The following MTPAP variants were observed in gnomAD, a reference collection of about 807,000 sequenced individuals.
The protein encoded by MTPAP is mitochondrial poly(A) polymerase.
A neutral mutation model predicts 48.7 loss-of-function variants in MTPAP; 23 were observed. The ratio of observed to expected loss-of-function variants is 0.47; its 90% CI spans 0.34 to 0.67. The LOEUF is 0.67. MTPAP is among the 30% of genes least tolerant of loss of function. MTPAP has a pLI of 0.01. For missense variants in MTPAP, 614 were observed against 694.3 expected (o/e 0.88, Z 1.30); for synonymous variants, 257 against 254.1 (o/e 1.01, Z -0.11).
intron 6 of MTPAP, among the ~76,000 whole-genome samples, chr10:30,319,187 G>C (rs1403225933): frequency 1.3e-5 from 2 of 152,134 alleles, no homozygotes; most frequent in African/African-American, 4.8e-5. Flanking sequence ...TGGTATACAG[G>C]AATCAACGTA....
chr10:30,344,395 C>T (rs1378230092), intron 1 of MTPAP, among the ~76,000 whole-genome samples: 1 of 152,200 alleles, frequency 6.6e-6, no homozygotes, highest in African/African-American at 2.4e-5. Flanking sequence ...GAATCTCTTC[C>T]ACCTCTGTAT....
chr10:30,349,064 C>G, intron 1 of MTPAP, 55 bp downstream of exon 1: 2 of 1,612,822 alleles, frequency 1.2e-6, no homozygotes, highest in South Asian at 1.1e-5. Context: ...TCCCCGTGAT[C>G]CCAGACTCCT....
Position 30,326,666 on chromosome 10 carries a change from C to A in MTPAP, c.781-31G>T, listed in dbSNP as rs766642145. 6 of 1,567,410 alleles carry A rather than the reference C, an allele frequency of 3.8e-6. No individual in the cohort carries two copies. The Admixed American group carries it at 8.4e-5, about 22-fold the overall frequency. On this transcript the variant is annotated intron_variant, in intron 4 of 8. Transcript: ENST00000263063. ...AAATAAACACATTTCTAAATAGGAG[C>A]TTTTGGTAAAAAAAACAATTTTTTA...
chr10:30,316,238 G>GT, intron 6 of MTPAP, 28 bp from the exon 7 acceptor site: 2 of 1,544,678 alleles, frequency 1.3e-6, no homozygotes, highest in Non-Finnish European at 1.8e-6. Context: ...AATATTTCAC[G>GT]TGTTTTTTTT....
At chr10:30,337,730 G>A (rs1376675584) in intron 3 of MTPAP, among the ~76,000 whole-genome samples, 1 of 152,118 alleles carries the variant, frequency 6.6e-6, no homozygotes, top group Non-Finnish European at 1.5e-5. Flanking sequence ...TCCAGAAGAG[G>A]TTAAAACAAC....
intron 6 of MTPAP, among the ~76,000 whole-genome samples, chr10:30,321,820 C>T (rs1840728957): frequency 6.6e-6 from 1 of 152,182 alleles, no homozygotes; most frequent in South Asian, 2.1e-4. Flanking sequence ...GATTTTATAA[C>T]ATAACTTCTC....
At position 30,327,119 on chromosome 10, in the gene MTPAP, A is replaced by T. The variant is rs570246069; in HGVS notation, c.781-484T>A. On this transcript the variant is annotated intron_variant, in intron 4 of 8. Coordinates refer to ENST00000263063, the MANE Select transcript of MTPAP (RefSeq NM_018109.4). Reference sequence around the variant, plus strand: ...TAGGAATTTAATATTTAAGGCCACAAATTACTAGGGGAAAATTCCTATTCA... The same window carrying T: ...TAGGAATTTAATATTTAAGGCCACATATTACTAGGGGAAAATTCCTATTCA... 9.2e-4 allele frequency among the ~76,000 whole-genome samples: 140 copies of T among 152,274 alleles called. 1 individual carries two copies. The highest frequency in any genetic ancestry group is 3.2e-3 in the African/African-American group (133 of 41,548).
At chr10:30,336,331 A>G (rs1353962877) in intron 4 of MTPAP, among the ~76,000 whole-genome samples, 1 of 152,190 alleles carries the variant, frequency 6.6e-6, no homozygotes, top group African/African-American at 2.4e-5. Flanking sequence ...ATATAATAAT[A>G]AAACAATCTA....
intron 6 of MTPAP, among the ~76,000 whole-genome samples, chr10:30,320,722 GGAC>G (rs1388230088): frequency 6.6e-6 from 1 of 152,122 alleles, no homozygotes; most frequent in East Asian, 1.9e-4. Flanking sequence ...CCCAGGCAGA[GGAC>G]AACAGGGCCT....
intron 1 of MTPAP, among the ~76,000 whole-genome samples, chr10:30,347,617 C>T (rs1242299382): frequency 1.3e-5 from 2 of 152,190 alleles, no homozygotes; most frequent in East Asian, 1.9e-4. Flanking sequence ...ACTGGCTGGG[C>T]GCGGTGGCTC....
intron 1 of MTPAP, among the ~76,000 whole-genome samples, chr10:30,342,484 C>T (rs949279275): frequency 2.0e-5 from 3 of 151,490 alleles, no homozygotes; most frequent in Middle Eastern, 3.4e-3. Flanking sequence ...ATTAAAACTG[C>T]CCACTTTCTC....
At chr10:30,322,188 C>T (rs907881824) in intron 6 of MTPAP, among the ~76,000 whole-genome samples, 3 of 152,094 alleles carry the variant, frequency 2.0e-5, no homozygotes, top group Non-Finnish European at 4.4e-5. Context: ...CCAACTGATA[C>T]AAAGAAAACA....
At chr10:30,337,758 A>G (rs1834746892) in intron 3 of MTPAP, among the ~76,000 whole-genome samples, 1 of 152,174 alleles carries the variant, frequency 6.6e-6, no homozygotes, top group African/African-American at 2.4e-5. Context: ...GACATTTTAA[A>G]CTCAAAGGGA....
intron 4 of MTPAP, among the ~76,000 whole-genome samples, chr10:30,329,306 C>T (rs1834637203): frequency 6.6e-6 from 1 of 151,990 alleles, no homozygotes; most frequent in Non-Finnish European, 1.5e-5. Flanking sequence ...AAGCTCACTG[C>T]AGCCTCAACC....
At chr10:30,344,918 G>A (rs1834855396) in intron 1 of MTPAP, among the ~76,000 whole-genome samples, 1 of 152,136 alleles carries the variant, frequency 6.6e-6, no homozygotes, top group South Asian at 2.1e-4. Context: ...TGGTCCGGCT[G>A]CTCTTGAACT....
chr10:30,342,315 T>C (rs371521620), intron 1 of MTPAP, among the ~76,000 whole-genome samples: 5 of 152,164 alleles, frequency 3.3e-5, no homozygotes, highest in Non-Finnish European at 5.9e-5. Flanking sequence ...GTTATATGAA[T>C]GTGGTCTCTC....
chr10:30,310,423 T>C lies in MTPAP; in HGVS notation c.*3186A>G, dbSNP rs1272171248. ...CAACAGAGTAAAACCCCATCTCTAC[T>C]AAAAATAGAAAACTTAGCCAGGTGT... On this transcript the variant is annotated 3_prime_UTR_variant, in exon 9 of 9. Transcript: ENST00000263063. 2.0e-5 allele frequency: 3 copies of C among 151,404 alleles called. No homozygotes were observed. Among genetic ancestry groups the C allele is most frequent in the African/African-American group, 7.3e-5 (3 of 41,134 alleles). The allele number at this position is 151,404 out of a possible 1,614,324, so 9.4% of individuals were successfully genotyped here. A position where few individuals can be genotyped will look rare whatever the true frequency, so the allele number is the denominator to read the frequency against.
intron 4 of MTPAP, among the ~76,000 whole-genome samples, chr10:30,331,606 G>A (rs796523783): frequency 3.9e-4 from 60 of 152,206 alleles, no homozygotes; most frequent in African/African-American, 1.4e-3. Flanking sequence ...TTGCTCTGTC[G>A]CCCAGGCTGG....
chr10:30,318,919 C>G (rs962901130), intron 6 of MTPAP, among the ~76,000 whole-genome samples: 1 of 152,028 alleles, frequency 6.6e-6, no homozygotes, highest in African/African-American at 2.4e-5. Context: ...CAGGTGTGTA[C>G]CAAGAGCTTG....
Sources: allele counts gnomAD v4.1 joint callset (sites outside exome capture counted in the v4.1 genomes callset), GRCh38; gene constraint gnomAD v4.1.1; transcripts MANE v1.5; gene names NCBI Gene and HGNC (gene_info 2026-07-23, HGNC 2026-07-21).